Variants in ARL8B observed in about 807,000 individuals in gnomAD.
The protein encoded by ARL8B is ADP-ribosylation factor-like protein 8B.
Under a neutral mutation model 30.6 loss-of-function variants are expected in ARL8B, and 9 were observed. The observed-to-expected ratio is 0.29, with a 90% CI of 0.18 to 0.51. The LOEUF is 0.51. Among genes scored for constraint, ARL8B ranks in the 20% least tolerant of loss-of-function variants. The pLI is 0.97. For missense variants in ARL8B, 130 were observed against 227.2 expected, an observed-to-expected ratio of 0.57 and a Z score of 2.75; for synonymous variants, 74 against 76.0, an observed-to-expected ratio of 0.97 and a Z score of 0.14.
At chr3:5,160,412 T>A (rs2054570714) in intron 1 of ARL8B, among the ~76,000 whole-genome samples, 1 of 152,198 alleles carries the variant, frequency 6.6e-6, no homozygotes, top group African/African-American at 2.4e-5. Flanking sequence ...GGTAGAGTGA[T>A]CATATGAAAT....
intron 6 of ARL8B, among the ~76,000 whole-genome samples, chr3:5,176,629 A>G (rs1291062267): frequency 6.6e-6 from 1 of 152,210 alleles, no homozygotes; most frequent in Non-Finnish European, 1.5e-5. Context: ...CCTTAGTAAC[A>G]GCGGATAGAC....
At chr3:5,136,512 T>C (rs2054326913) in intron 1 of ARL8B, among the ~76,000 whole-genome samples, 1 of 152,210 alleles carries the variant, frequency 6.6e-6, no homozygotes, top group African/African-American at 2.4e-5. Flanking sequence ...TGGGCATGAC[T>C]TTATAGTGTT....
intron 1 of ARL8B, among the ~76,000 whole-genome samples, chr3:5,169,413 G>A (rs935557776): frequency 6.6e-6 from 1 of 151,602 alleles, no homozygotes; most frequent in African/African-American, 2.4e-5. Flanking sequence ...ATATTCAGAA[G>A]TTGAATTGCT....
chr3:5,170,385 G>T, intron 1 of ARL8B, 118 bp from the exon 2 acceptor site: 1 of 568,042 alleles, frequency 1.8e-6, no homozygotes, highest in Non-Finnish European at 3.0e-6. Flanking sequence ...AAAGTAGATT[G>T]TTACCAATGG....
chr3:5,134,968 C>T (rs1441616238), intron 1 of ARL8B, among the ~76,000 whole-genome samples: 3 of 152,130 alleles, frequency 2.0e-5, no homozygotes, highest in Non-Finnish European at 4.4e-5. Flanking sequence ...GTGCCTTCAC[C>T]TCCCAGAGTA....
chr3:5,155,313 G>A (rs1427571293), intron 1 of ARL8B, among the ~76,000 whole-genome samples: 1 of 152,116 alleles, frequency 6.6e-6, no homozygotes, highest in African/African-American at 2.4e-5. Flanking sequence ...GTTGCCTCTT[G>A]CTGCTTTCAA....
At chr3:5,172,903 C>T (rs553460735) in intron 4 of ARL8B, among the ~76,000 whole-genome samples, 163 bp downstream of exon 4, 140 of 152,268 alleles carry the variant, frequency 9.2e-4, no homozygotes, top group African/African-American at 3.3e-3. Flanking sequence ...GGGCATTGTG[C>T]TAAATATGAA....
chr3:5,151,915 C>T (rs2054488761), intron 1 of ARL8B, among the ~76,000 whole-genome samples: 1 of 152,086 alleles, frequency 6.6e-6, no homozygotes, highest in South Asian at 2.1e-4. Context: ...TTTGTAGAGA[C>T]CGAGTCTTGC....
At chr3:5,122,875 C>A (rs1208447274) in intron 1 of ARL8B, among the ~76,000 whole-genome samples, 1 of 152,198 alleles carries the variant, frequency 6.6e-6, no homozygotes, top group African/African-American at 2.4e-5. Context: ...AAATTGAACT[C>A]GTCACATTTT....
chr3:5,140,884 G>A (rs1012844955), intron 1 of ARL8B, among the ~76,000 whole-genome samples: 9 of 152,336 alleles, frequency 5.9e-5, no homozygotes, highest in South Asian at 4.1e-4. Context: ...ATGAAGAACA[G>A]CGGAAGCAAG....
intron 6 of ARL8B, among the ~76,000 whole-genome samples, chr3:5,177,090 T>G (rs568129292): frequency 6.6e-6 from 1 of 152,370 alleles, no homozygotes; most frequent in South Asian, 2.1e-4. Flanking sequence ...GTTTTCTGTT[T>G]TTCCATTGTT....
At chr3:5,172,786 T>C (rs1214705026) in intron 4 of ARL8B, 46 bp downstream of exon 4, 1 of 1,145,472 alleles carries the variant, frequency 8.7e-7, no homozygotes, top group East Asian at 2.5e-5. Flanking sequence ...TATATAATGA[T>C]ATTAATTATG....
intron 4 of ARL8B, 70 bp downstream of exon 4, chr3:5,172,810 G>T: frequency 9.9e-7 from 1 of 1,012,076 alleles, no homozygotes; most frequent in Non-Finnish European, 1.5e-6. Flanking sequence ...ATTATGCAGT[G>T]ATATTAATTA....
At chr3:5,145,375 T>G (rs1272495898) in intron 1 of ARL8B, among the ~76,000 whole-genome samples, 2 of 152,202 alleles carry the variant, frequency 1.3e-5, no homozygotes, top group Non-Finnish European at 2.9e-5. Context: ...ATTCCTGACC[T>G]GGTGTGGGGT....
At position 5,122,453 on chromosome 3, in the gene ARL8B, C is replaced by G; in HGVS notation, c.-13C>G. ...GTCCGTCCTCCCGTCCGTTCTCGCT[C>G]CCGGCCGCCATCATGCTGGCGCTCA... is the stretch of plus-strand genomic sequence containing the variant. On this transcript the variant is annotated 5_prime_UTR_variant, in exon 1 of 7. Transcript: ENST00000256496. 6.2e-7 allele frequency: 1 copy of G among 1,612,518 alleles called. No individual in the cohort carries two copies. Among genetic ancestry groups the G allele is most frequent in the Non-Finnish European group, 8.5e-7 (1 of 1,179,560 alleles).
In ARL8B at chr3:5,172,231, GTTTT is replaced by G; in HGVS notation, c.278+14_278+17del. On this transcript the variant is annotated intron_variant, in intron 3 of 6. Transcript: ENST00000256496. The stretch of plus-strand genomic sequence containing the variant: ...AGGAGTCAATGCTATTGTGTAAGTG[GTTTT>G]TTTTTGTTTGTTTGCTTTTAAATCA... The G allele has an allele frequency of 1.3e-6, 2 of 1,589,388 alleles. No homozygotes were observed. Among genetic ancestry groups the G allele is most frequent in the Admixed American group, 1.7e-5 (1 of 57,682 alleles).
At position 5,178,884 on chromosome 3, in the gene ARL8B, G is replaced by T. The variant is rs2054753276; in HGVS notation, c.*171G>T. 1 of 1,203,400 alleles carries T rather than the reference G, an allele frequency of 8.3e-7. No individual in the cohort carries two copies. Among genetic ancestry groups the T allele is most frequent in the Non-Finnish European group, 1.1e-6 (1 of 901,246 alleles). 74.5% of individuals were successfully genotyped at this position (1,203,400 alleles called of 1,614,324 possible). On this transcript the variant is annotated 3_prime_UTR_variant, in exon 7 of 7. Coordinates refer to ENST00000256496, the MANE Select transcript of ARL8B (RefSeq NM_018184.3). ...ATGAATATCCCTAATCCTTCATAAA[G>T]AATCAGCTAGAGTTGTCATGATAAA...
At chr3:5,156,043 C>T (rs1465807561) in intron 1 of ARL8B, among the ~76,000 whole-genome samples, 1 of 152,058 alleles carries the variant, frequency 6.6e-6, no homozygotes, top group Non-Finnish European at 1.5e-5. Context: ...GCCAAGACTA[C>T]AGGTGCGCAC....
At chr3:5,136,192 C>G (rs1380507698) in intron 1 of ARL8B, among the ~76,000 whole-genome samples, 2 of 152,090 alleles carry the variant, frequency 1.3e-5, no homozygotes, top group Non-Finnish European at 1.5e-5. Context: ...GCAGCCTCTG[C>G]CTCCTGGGTT....
Sources: allele counts gnomAD v4.1 joint callset (sites outside exome capture counted in the v4.1 genomes callset), GRCh38; gene constraint gnomAD v4.1.1; transcripts MANE v1.5; gene names NCBI Gene and HGNC (gene_info 2026-07-23, HGNC 2026-07-21).